The following PTPRO variants were observed in gnomAD, a reference collection of about 807,000 sequenced individuals.
PTPRO encodes receptor-type tyrosine-protein phosphatase O.
PTPRO carries 62 observed loss-of-function variants against 145.2 expected under a neutral mutation model. The observed-to-expected ratio is 0.43, with a 90% CI of 0.35 to 0.53. PTPRO has a LOEUF of 0.53. Among genes scored for constraint, PTPRO ranks in the 20% least tolerant of loss-of-function variants. The pLI is 0.01. For synonymous variants in PTPRO, 565 were observed against 514.7 expected, an observed-to-expected ratio of 1.10 and a Z score of -1.32; for missense variants, 1,345 against 1,482.7, an observed-to-expected ratio of 0.91 and a Z score of 1.53.
chr12:15,454,870 A>G (rs1259374714), intron 1 of PTPRO, among the ~76,000 whole-genome samples: 2 of 152,100 alleles, frequency 1.3e-5, no homozygotes, highest in Non-Finnish European at 2.9e-5. Flanking sequence ...CTTGGCATCC[A>G]CATCTAGGAT....
chr12:15,397,545 T>C (rs1264269031), intron 1 of PTPRO, among the ~76,000 whole-genome samples: 2 of 152,214 alleles, frequency 1.3e-5, no homozygotes, highest in African/African-American at 4.8e-5. Flanking sequence ...GAAATTGGAT[T>C]TCACAGGTTC....
chr12:15,401,911 G>A (rs1939504973), intron 1 of PTPRO, among the ~76,000 whole-genome samples: 1 of 152,098 alleles, frequency 6.6e-6, no homozygotes, highest in Admixed American at 6.5e-5. Flanking sequence ...CCTAACTATA[G>A]GTCATGCCTC....
At chr12:15,393,623 C>T (rs1939252298) in intron 1 of PTPRO, among the ~76,000 whole-genome samples, 1 of 146,826 alleles carries the variant, frequency 6.8e-6, no homozygotes, top group South Asian at 2.2e-4. Flanking sequence ...CTCTAGTACA[C>T]TAGGATTTTT....
intron 10 of PTPRO, among the ~76,000 whole-genome samples, chr12:15,524,315 C>T (rs1942791911): frequency 6.6e-6 from 1 of 152,084 alleles, no homozygotes. Flanking sequence ...TGTCTTCTAT[C>T]CTGCTTGTAG....
intron 5 of PTPRO, 125 bp from the exon 6 acceptor site, chr12:15,503,783 A>G: frequency 1.4e-6 from 1 of 691,676 alleles, no homozygotes; most frequent in East Asian, 2.7e-5. Flanking sequence ...TAGAGGTGTA[A>G]TTGAACTTGA....
intron 15 of PTPRO, among the ~76,000 whole-genome samples, chr12:15,554,510 T>C (rs1943565636): frequency 6.6e-6 from 1 of 152,016 alleles, no homozygotes; most frequent in Non-Finnish European, 1.5e-5. Flanking sequence ...GGCCCCACAG[T>C]AGGCTGTCTG....
chr12:15,594,869 G>A, intron 25 of PTPRO, 68 bp from the exon 26 acceptor site: 1 of 1,096,258 alleles, frequency 9.1e-7, no homozygotes, highest in Non-Finnish European at 1.4e-6. Flanking sequence ...CATTAAAATT[G>A]TCATAGTATA....
chr12:15,394,954 T>C (rs140844254), intron 1 of PTPRO, among the ~76,000 whole-genome samples: 9 of 152,180 alleles, frequency 5.9e-5, no homozygotes, highest in African/African-American at 2.2e-4. Flanking sequence ...AGAACTCTAG[T>C]AACACTACTA....
intron 1 of PTPRO, among the ~76,000 whole-genome samples, chr12:15,475,961 C>G (rs941045408): frequency 6.6e-6 from 1 of 152,062 alleles, no homozygotes; most frequent in Admixed American, 6.5e-5. Flanking sequence ...TGTTCCAGAT[C>G]CCCTCTTGTA....
chr12:15,587,181 G>T (rs1164775331), intron 24 of PTPRO, 130 bp downstream of exon 24: 5 of 994,356 alleles, frequency 5.0e-6, no homozygotes, highest in Non-Finnish European at 6.1e-6. Flanking sequence ...TTTAAACTAT[G>T]ATTAATTGAT....
At chr12:15,570,680 G>C (rs1347743651) in intron 19 of PTPRO, among the ~76,000 whole-genome samples, 3 of 152,108 alleles carry the variant, frequency 2.0e-5, no homozygotes, top group South Asian at 2.1e-4. Context: ...TGGCATTTCA[G>C]AAAGTATATC....
At chr12:15,397,089 C>G (rs1257692269) in intron 1 of PTPRO, among the ~76,000 whole-genome samples, 1 of 151,956 alleles carries the variant, frequency 6.6e-6, no homozygotes, top group African/African-American at 2.4e-5. Context: ...ATAGAAAGTT[C>G]CTGTAATACA....
chr12:15,509,513 A>G (rs1942392599), intron 7 of PTPRO, among the ~76,000 whole-genome samples: 1 of 151,884 alleles, frequency 6.6e-6, no homozygotes, highest in South Asian at 2.1e-4. Context: ...CCTGGCCAAC[A>G]TGGTGAAAAC....
At chr12:15,572,577 C>T (rs926266915) in intron 19 of PTPRO, among the ~76,000 whole-genome samples, 2 of 152,100 alleles carry the variant, frequency 1.3e-5, no homozygotes, top group African/African-American at 4.8e-5. Context: ...TGATTTCTAA[C>T]AGCTGATTTA....
intron 9 of PTPRO, among the ~76,000 whole-genome samples, chr12:15,519,088 T>C (rs928723668): frequency 6.6e-6 from 1 of 152,212 alleles, no homozygotes; most frequent in Admixed American, 6.5e-5. Context: ...GGAGGTTTAA[T>C]TGGGCTTACA....
intron 9 of PTPRO, among the ~76,000 whole-genome samples, chr12:15,518,657 C>T (rs1942649683): frequency 6.6e-6 from 1 of 152,206 alleles, no homozygotes; most frequent in African/African-American, 2.4e-5. Context: ...GAAATTTCTT[C>T]TGCCAGATAC....
intron 1 of PTPRO, among the ~76,000 whole-genome samples, chr12:15,475,374 T>G (rs926806364): frequency 1.3e-5 from 2 of 152,184 alleles, no homozygotes; most frequent in African/African-American, 4.8e-5. Flanking sequence ...TAACAGACTT[T>G]CCCATTATGC....
chr12:15,365,991 A>G (rs1382483510), intron 1 of PTPRO, among the ~76,000 whole-genome samples: 2 of 152,232 alleles, frequency 1.3e-5, no homozygotes, highest in African/African-American at 4.8e-5. Flanking sequence ...GACAGAGTGT[A>G]GAATATCACA....
intron 1 of PTPRO, among the ~76,000 whole-genome samples, chr12:15,437,470 C>T (rs1169483066): frequency 6.6e-6 from 1 of 151,632 alleles, no homozygotes; most frequent in African/African-American, 2.4e-5. Context: ...GGCAGATCAC[C>T]AGACATTCTG....
Sources: gnomAD v4.1 joint callset for allele counts (sites outside exome capture counted in the v4.1 genomes callset) on GRCh38, gnomAD v4.1.1 for gene constraint, MANE v1.5 for transcripts, NCBI Gene and HGNC (gene_info 2026-07-23, HGNC 2026-07-21) for gene names.